LUZP2: variants seen among roughly 807,000 people sequenced by gnomAD.
The protein encoded by LUZP2 is leucine zipper protein 2.
Under a neutral mutation model 51.6 loss-of-function variants are expected in LUZP2, and 52 were observed. The ratio of observed to expected loss-of-function variants is 1.01; its 90% confidence interval spans 0.81 to 1.27. The LOEUF is 1.27. Among genes scored for constraint, LUZP2 ranks in the 50% most tolerant of loss-of-function variants. The pLI, the probability that LUZP2 is intolerant of heterozygous loss-of-function variation, is 0.00. For missense variants in LUZP2, 436 were observed against 395.4 expected, an observed-to-expected ratio of 1.10 and a Z score of -0.87; for synonymous variants, 154 against 137.3, an observed-to-expected ratio of 1.12 and a Z score of -0.85.
intron 5 of LUZP2, among the ~76,000 whole-genome samples, chr11:24,846,673 T>G (rs751132348): frequency 6.6e-6 from 1 of 152,008 alleles, no homozygotes; most frequent in African/African-American, 2.4e-5. Flanking sequence ...ATATCCAAAG[T>G]CTATGAGAGA....
At chr11:25,077,232 C>T in intron 10 of LUZP2, 97 bp from the exon 11 acceptor site, 2 of 911,164 alleles carry the variant, frequency 2.2e-6, no homozygotes, top group South Asian at 2.6e-5. Context: ...GTGATAGAAT[C>T]TTCTCAACAG....
chr11:24,608,525 T>C (rs1050007271), intron 1 of LUZP2, among the ~76,000 whole-genome samples: 1 of 152,170 alleles, frequency 6.6e-6, no homozygotes, highest in Non-Finnish European at 1.5e-5. Flanking sequence ...GACAATCCTG[T>C]GAATACATTT....
chr11:24,722,016 G>A (rs1392974785), intron 1 of LUZP2, among the ~76,000 whole-genome samples: 1 of 152,006 alleles, frequency 6.6e-6, no homozygotes, highest in Non-Finnish European at 1.5e-5. Context: ...TATAAAAAAT[G>A]GCACTGCAAA....
At chr11:24,508,135 G>A (rs1304962184) in intron 1 of LUZP2, among the ~76,000 whole-genome samples, 1 of 151,942 alleles carries the variant, frequency 6.6e-6, no homozygotes, top group Non-Finnish European at 1.5e-5. Flanking sequence ...TAGATTACTT[G>A]GCCAACATTA....
At chr11:24,893,753 C>T (rs2133763174) in intron 5 of LUZP2, among the ~76,000 whole-genome samples, 1 of 132,390 alleles carries the variant, frequency 7.6e-6, no homozygotes, top group South Asian at 2.7e-4. Context: ...GACACACAAA[C>T]ACATGCACAA....
intron 1 of LUZP2, among the ~76,000 whole-genome samples, chr11:24,561,164 C>A (rs1158874485): frequency 6.6e-6 from 1 of 152,152 alleles, no homozygotes; most frequent in Non-Finnish European, 1.5e-5. Context: ...ATGGATAGCA[C>A]ACATTCCCTG....
At chr11:24,784,880 T>C (rs1849197245) in intron 5 of LUZP2, among the ~76,000 whole-genome samples, 1 of 152,100 alleles carries the variant, frequency 6.6e-6, no homozygotes, top group African/African-American at 2.4e-5. Flanking sequence ...GCATATATTT[T>C]CTATGCCTAA....
At position 24,843,964 on chromosome 11, in the gene LUZP2, A is replaced by G. The variant is rs368455995; in HGVS notation, c.397-62027A>G. ...AACTGTAAGTCCCTTTTTCTTCCCA[A>G]TCTCAGGTATGTCTTTATTAGCAGT... On this transcript the variant is annotated intron_variant, in intron 5 of 11. Coordinates refer to ENST00000336930, the MANE Select transcript of LUZP2 (RefSeq NM_001009909.4). Among the ~76,000 whole-genome samples, 60 of 152,164 alleles carry G rather than the reference A, an allele frequency of 3.9e-4. No homozygotes were observed. In the South Asian group the frequency reaches 0.012, roughly 30 times the overall value.
intron 5 of LUZP2, among the ~76,000 whole-genome samples, chr11:24,849,191 T>A (rs2134217692): frequency 6.6e-6 from 1 of 152,280 alleles, no homozygotes; most frequent in African/African-American, 2.4e-5. Flanking sequence ...ACAGCTTTGT[T>A]ACATAGGTAT....
chr11:24,976,981 A>G (rs1855898679), intron 8 of LUZP2, among the ~76,000 whole-genome samples: 1 of 151,788 alleles, frequency 6.6e-6, no homozygotes, highest in Admixed American at 6.6e-5. Context: ...CTAAGGCACT[A>G]TATATTAACT....
At chr11:24,507,954 G>GAAAAAAA in intron 1 of LUZP2, among the ~76,000 whole-genome samples, 1 of 150,800 alleles carries the variant, frequency 6.6e-6, no homozygotes. Flanking sequence ...CTCCTAGAGT[G>GAAAAAAA]AAAAAAGAAA....
At chr11:24,795,698 T>C (rs1203330822) in intron 5 of LUZP2, among the ~76,000 whole-genome samples, 3 of 152,122 alleles carry the variant, frequency 2.0e-5, no homozygotes, top group Non-Finnish European at 4.4e-5. Context: ...TCCTCTGTTT[T>C]TACGGTGTGC....
At chr11:24,857,191 T>C (rs1851591975) in intron 5 of LUZP2, among the ~76,000 whole-genome samples, 1 of 151,412 alleles carries the variant, frequency 6.6e-6, no homozygotes, top group Non-Finnish European at 1.5e-5. Context: ...AACAAGATTG[T>C]ACATTATTTT....
chr11:24,939,543 C>G (rs1854685457), intron 7 of LUZP2, among the ~76,000 whole-genome samples: 1 of 150,630 alleles, frequency 6.6e-6, no homozygotes, highest in Non-Finnish European at 1.5e-5. Context: ...ACTAAATATT[C>G]ATAGGAAGGA....
rs1004058535 is a variant in LUZP2 at position 24,961,430 on chromosome 11, C to T, written c.523-15161C>T. Among the ~76,000 whole-genome samples the T allele has an allele frequency of 6.0e-3, 920 of 152,136 alleles. 6 individuals carry two copies. The highest frequency in any genetic ancestry group is 9.4e-3 in the Non-Finnish European group (636 of 67,988). ...GACTTGCTTTATGAATCTGGGTGCT[C>T]CTGTATTGGGTGCATATATATTTAG... On this transcript the variant is annotated intron_variant, in intron 7 of 11. Coordinates refer to ENST00000336930, the MANE Select transcript of LUZP2 (RefSeq NM_001009909.4).
chr11:24,825,861 C>T (rs1850508771), intron 5 of LUZP2, among the ~76,000 whole-genome samples: 1 of 151,908 alleles, frequency 6.6e-6, no homozygotes, highest in South Asian at 2.1e-4. Context: ...GTTTGCAACT[C>T]CACTATTAGT....
At chr11:25,016,124 G>A (rs926227321) in intron 9 of LUZP2, among the ~76,000 whole-genome samples, 2 of 152,006 alleles carry the variant, frequency 1.3e-5, no homozygotes, top group Non-Finnish European at 2.9e-5. Flanking sequence ...GTTTCATGGT[G>A]TTAGCCAGGA....
At chr11:24,641,918 T>C (rs375717161) in intron 1 of LUZP2, among the ~76,000 whole-genome samples, 1 of 151,906 alleles carries the variant, frequency 6.6e-6, no homozygotes, top group African/African-American at 2.4e-5. Flanking sequence ...TTTTTGAGAT[T>C]GAGTCTCAAT....
chr11:24,589,164 C>G (rs1853175103), intron 1 of LUZP2, among the ~76,000 whole-genome samples: 1 of 152,262 alleles, frequency 6.6e-6, no homozygotes, highest in East Asian at 1.9e-4. Flanking sequence ...CTCTAGCTTT[C>G]TAATCATTCC....
Sources: allele counts gnomAD v4.1 joint callset (sites outside exome capture counted in the v4.1 genomes callset), GRCh38; gene constraint gnomAD v4.1.1; transcripts MANE v1.5; gene names NCBI Gene and HGNC (gene_info 2026-07-23, HGNC 2026-07-21).